MAP4K4: variants seen among roughly 807,000 people sequenced by gnomAD.
MAP4K4 encodes HPK/GCK-like kinase HGK.
In MAP4K4, 38 loss-of-function variants were observed where a neutral mutation model predicts 189.6. The observed-to-expected ratio is 0.20, with a 90% CI of 0.15 to 0.26. The LOEUF (loss-of-function observed/expected upper bound fraction) is 0.26, where lower values mean the gene tolerates loss of function less well. MAP4K4 is among the 10% of genes least tolerant of loss of function. MAP4K4 has a pLI of 1.00. For synonymous variants in MAP4K4, 610 were observed against 624.3 expected, an observed-to-expected ratio of 0.98 and a Z score of 0.34; for missense variants, 1,054 against 1,726.9, an observed-to-expected ratio of 0.61 and a Z score of 6.91.
At chr2:101,773,656 C>T (rs1302209163) in intron 2 of MAP4K4, among the ~76,000 whole-genome samples, 1 of 152,098 alleles carries the variant, frequency 6.6e-6, no homozygotes, top group Non-Finnish European at 1.5e-5. Flanking sequence ...ACTATAGGCA[C>T]CCTGTTGTGC....
At chr2:101,807,056 C>CT (rs1429533329) in intron 3 of MAP4K4, among the ~76,000 whole-genome samples, 4 of 95,002 alleles carry the variant, frequency 4.2e-5, no homozygotes, top group African/African-American at 1.5e-4. Context: ...TTTTTTTTTT[C>CT]TTTTTTCTGA....
intron 2 of MAP4K4, among the ~76,000 whole-genome samples, chr2:101,741,460 A>G (rs2062790430): frequency 6.6e-6 from 1 of 151,838 alleles, no homozygotes; most frequent in Non-Finnish European, 1.5e-5. Flanking sequence ...GAACCACCGC[A>G]CCCGGCCAGT....
At chr2:101,752,232 A>G (rs566945427) in intron 2 of MAP4K4, among the ~76,000 whole-genome samples, 41 of 152,356 alleles carry the variant, frequency 2.7e-4, no homozygotes, top group Middle Eastern at 3.4e-3. Flanking sequence ...AAATGAAGTC[A>G]CAACAAGGTA....
At chr2:101,879,439 C>T (rs777141448) in intron 27 of MAP4K4, among the ~76,000 whole-genome samples, 3 of 151,934 alleles carry the variant, frequency 2.0e-5, no homozygotes, top group South Asian at 2.1e-4. Context: ...ATATTTCCCT[C>T]TCCTTTTCTC....
intron 6 of MAP4K4, 55 bp downstream of exon 6, chr2:101,829,649 G>C: frequency 1.6e-6 from 2 of 1,226,110 alleles, no homozygotes; most frequent in Non-Finnish European, 1.2e-6. Flanking sequence ...CAAGCCAGCT[G>C]CACTCCCAGT....
intron 2 of MAP4K4, among the ~76,000 whole-genome samples, chr2:101,763,616 A>T (rs552735210): frequency 5.3e-5 from 8 of 152,218 alleles, no homozygotes; most frequent in Non-Finnish European, 1.2e-4. Flanking sequence ...GAGTGAAGCA[A>T]CAATTTCCAG....
intron 2 of MAP4K4, among the ~76,000 whole-genome samples, chr2:101,780,102 A>T (rs956342852): frequency 4.6e-5 from 7 of 152,208 alleles, no homozygotes; most frequent in African/African-American, 1.7e-4. Context: ...GTGTACATAT[A>T]CGTAGGTTCA....
At chr2:101,757,897 C>T (rs552577481) in intron 2 of MAP4K4, among the ~76,000 whole-genome samples, 1 of 152,180 alleles carries the variant, frequency 6.6e-6, no homozygotes, top group Admixed American at 6.5e-5. Context: ...TGGTGGTACA[C>T]GCCTGTAATC....
At chr2:101,704,498 C>T (rs578235552) in intron 2 of MAP4K4, among the ~76,000 whole-genome samples, 1 of 125,270 alleles carries the variant, frequency 8.0e-6, no homozygotes. Flanking sequence ...TCGTATTTTG[C>T]CTTTTTTCTT....
At chr2:101,772,797 C>T (rs889242432) in intron 2 of MAP4K4, among the ~76,000 whole-genome samples, 1 of 152,172 alleles carries the variant, frequency 6.6e-6, no homozygotes, top group African/African-American at 2.4e-5. Context: ...CTGTGCTAAA[C>T]CTCACACACA....
intron 2 of MAP4K4, among the ~76,000 whole-genome samples, chr2:101,707,688 T>G (rs1038803743): frequency 1.1e-4 from 9 of 79,538 alleles, no homozygotes; most frequent in Admixed American, 5.1e-4. Flanking sequence ...AAGTTTTTTT[T>G]TTTTGTTTTT....
intron 12 of MAP4K4, among the ~76,000 whole-genome samples, chr2:101,845,339 A>G (rs2097067201): frequency 6.6e-6 from 1 of 152,174 alleles, no homozygotes; most frequent in Non-Finnish European, 1.5e-5. Context: ...TAATGTGGTT[A>G]CCTTACAGCT....
exon 33 of MAP4K4, chr2:101,893,615 C>T (rs1475931247): frequency 5.7e-6 from 1 of 173,966 alleles, no homozygotes; most frequent in South Asian, 1.2e-4. Context: ...TGCTCAATGT[C>T]TGATGCTAAG....
intron 11 of MAP4K4, among the ~76,000 whole-genome samples, chr2:101,843,387 T>C (rs902477591): frequency 1.3e-5 from 2 of 152,230 alleles, no homozygotes; most frequent in African/African-American, 4.8e-5. Flanking sequence ...AATCTCTCTT[T>C]CTTCTTATGT....
At chr2:101,746,464 A>G (rs952248112) in intron 2 of MAP4K4, among the ~76,000 whole-genome samples, 3 of 152,082 alleles carry the variant, frequency 2.0e-5, no homozygotes, top group East Asian at 1.9e-4. Context: ...TTGTTCTGCC[A>G]TGGTAATACA....
intron 23 of MAP4K4, among the ~76,000 whole-genome samples, chr2:101,870,974 T>A (rs2097991636): frequency 6.6e-6 from 1 of 152,244 alleles, no homozygotes; most frequent in Non-Finnish European, 1.5e-5. Flanking sequence ...TCAGTTTGGA[T>A]CACTAAGCTT....
chr2:101,882,915 C>T (rs1003855242), intron 28 of MAP4K4, among the ~76,000 whole-genome samples: 6 of 152,180 alleles, frequency 3.9e-5, no homozygotes, highest in Non-Finnish European at 7.3e-5. Flanking sequence ...AGAGTTCGTC[C>T]CTGCAACTCA....
chr2:101,867,849 TACCTG>T, intron 20 of MAP4K4, 175 bp from the exon 21 acceptor site: 1 of 632,052 alleles, frequency 1.6e-6, no homozygotes, highest in Non-Finnish European at 2.9e-6. Context: ...CCTCTGATGT[TACCTG>T]ACCATGTAAT....
intron 2 of MAP4K4, among the ~76,000 whole-genome samples, chr2:101,715,728 G>A (rs556224388): frequency 1.3e-5 from 2 of 152,140 alleles, no homozygotes; most frequent in Non-Finnish European, 2.9e-5. Flanking sequence ...AAATACATAG[G>A]GTCTTCTAAT....
Sources: allele counts gnomAD v4.1 joint callset (sites outside exome capture counted in the v4.1 genomes callset), GRCh38; gene constraint gnomAD v4.1.1; transcripts MANE v1.5; gene names NCBI Gene and HGNC (gene_info 2026-07-23, HGNC 2026-07-21).